STK32B: variants seen among roughly 807,000 people sequenced by gnomAD.
STK32B encodes the protein serine/threonine-protein kinase 32B.
STK32B carries 43 observed loss-of-function variants against 52.6 expected under a neutral mutation model. The ratio of observed to expected loss-of-function variants is 0.82; its 90% CI spans 0.64 to 1.05. The LOEUF is 1.05. Among genes scored for constraint, STK32B ranks in the 50% least tolerant of loss-of-function variants. STK32B has a pLI of 0.00. For synonymous variants in STK32B, 238 were observed against 204.3 expected (o/e 1.17, Z -1.41); for missense variants, 621 against 534.6 (o/e 1.16, Z -1.59).
chr4:5,337,114 G>C (rs1732758812), intron 4 of STK32B, among the ~76,000 whole-genome samples: 1 of 151,428 alleles, frequency 6.6e-6, no homozygotes, highest in Non-Finnish European at 1.5e-5. Context: ...AAGTAGCTGG[G>C]ACCATAAGCA....
intron 1 of STK32B, among the ~76,000 whole-genome samples, chr4:5,060,412 T>C (rs1341528862): frequency 6.6e-6 from 1 of 152,224 alleles, no homozygotes; most frequent in Admixed American, 6.5e-5. Flanking sequence ...TTTTCATCTT[T>C]TTTGATTGGC....
intron 3 of STK32B, among the ~76,000 whole-genome samples, chr4:5,299,986 A>C (rs1164685196): frequency 9.2e-5 from 14 of 151,974 alleles, no homozygotes; most frequent in Admixed American, 9.2e-4. Flanking sequence ...GATATAACAA[A>C]AAAAGGAAGC....
chr4:5,076,875 C>G (rs1712109226), intron 1 of STK32B, among the ~76,000 whole-genome samples: 1 of 151,974 alleles, frequency 6.6e-6, no homozygotes, highest in Non-Finnish European at 1.5e-5. Flanking sequence ...AATATTTATT[C>G]CATCATTGTA....
intron 6 of STK32B, among the ~76,000 whole-genome samples, chr4:5,430,342 A>G (rs555960390): frequency 1.3e-5 from 2 of 152,288 alleles, no homozygotes; most frequent in African/African-American, 4.8e-5. Context: ...CTTCAAGTCT[A>G]TTGATAAACC....
At chr4:5,139,309 A>C (rs1224304136) in intron 1 of STK32B, among the ~76,000 whole-genome samples, 1 of 152,038 alleles carries the variant, frequency 6.6e-6, no homozygotes, top group Non-Finnish European at 1.5e-5. Context: ...TGGCTTTGGA[A>C]CCTCCATGAG....
intron 9 of STK32B, among the ~76,000 whole-genome samples, chr4:5,466,132 C>G (rs1250528719): frequency 6.6e-6 from 1 of 152,188 alleles, no homozygotes; most frequent in Non-Finnish European, 1.5e-5. Flanking sequence ...TACCAGGAAT[C>G]TGGGTCCAAG....
intron 1 of STK32B, among the ~76,000 whole-genome samples, chr4:5,075,446 G>A (rs1712020993): frequency 2.6e-5 from 4 of 152,092 alleles, no homozygotes; most frequent in South Asian, 4.1e-4. Context: ...CCTTAAAAAT[G>A]TTTCTCAATC....
At chr4:5,266,478 T>G (rs1048343380) in intron 3 of STK32B, among the ~76,000 whole-genome samples, 2 of 152,170 alleles carry the variant, frequency 1.3e-5, no homozygotes, top group African/African-American at 4.8e-5. Flanking sequence ...CAACAGCTGG[T>G]TAATTAAATT....
chr4:5,398,388 C>A lies in STK32B; in HGVS notation c.472+144C>A. On this transcript the variant is annotated intron_variant, in intron 5 of 11. Coordinates refer to ENST00000282908, the MANE Select transcript of STK32B (RefSeq NM_018401.3). The surrounding 1 kb of genome is among the most constrained non-coding windows in gnomAD (Gnocchi z 4.9). ...TTCTCTTGTTTCAATCCTGGTGGAT[C>A]AACATCTGTGTAAATTTCTGGTCCA... The A allele has an allele frequency of 2.4e-6, 2 of 828,830 alleles. No individual in the cohort carries two copies. The highest frequency in any genetic ancestry group is 3.8e-6 in the Non-Finnish European group (2 of 523,446). 51.3% of individuals were successfully genotyped at this position (828,830 alleles called of 1,614,324 possible).
chr4:5,207,353 G>C (rs1577194161), intron 3 of STK32B, among the ~76,000 whole-genome samples: 2 of 152,158 alleles, frequency 1.3e-5, no homozygotes, highest in Admixed American at 1.3e-4. Context: ...CTTTTCTCGT[G>C]ATAGCGAATA....
chr4:5,268,690 T>A (rs779948978), intron 3 of STK32B, among the ~76,000 whole-genome samples: 85 of 152,164 alleles, frequency 5.6e-4, no homozygotes, highest in Non-Finnish European at 1.1e-3. Context: ...TTCTGTCCTG[T>A]TCACGATATA....
chr4:5,122,610 T>C (rs1560162728), intron 1 of STK32B, among the ~76,000 whole-genome samples: 1 of 151,792 alleles, frequency 6.6e-6, no homozygotes, highest in Non-Finnish European at 1.5e-5. Context: ...CTCACTCACT[T>C]ATTCATTCCC....
intron 3 of STK32B, among the ~76,000 whole-genome samples, chr4:5,317,536 CAT>C (rs1491114595): frequency 9.6e-5 from 9 of 93,542 alleles, no homozygotes; most frequent in African/African-American, 1.4e-4. Flanking sequence ...ATATATATTA[CAT>C]GTATATATAT....
At chr4:5,263,798 A>C (rs564255483) in intron 3 of STK32B, among the ~76,000 whole-genome samples, 14 of 152,200 alleles carry the variant, frequency 9.2e-5, no homozygotes, top group Middle Eastern at 3.4e-3. Context: ...TCATCCCCCA[A>C]ATTTCTCTGA....
In STK32B at chr4:5,160,716, C is replaced by T. The variant is rs555537436; in HGVS notation, c.109-7583C>T. Reference sequence around the variant, plus strand: ...CAGACACTGAGGATGATGCAGTGAACGTAAGAGAAAAATCCCTGTTGTCAT... The same window carrying T: ...CAGACACTGAGGATGATGCAGTGAATGTAAGAGAAAAATCCCTGTTGTCAT... On this transcript the variant is annotated intron_variant, in intron 2 of 11. Coordinates refer to ENST00000282908, the MANE Select transcript of STK32B (RefSeq NM_018401.3). Among the ~76,000 whole-genome samples, 44 of 152,226 alleles carry T rather than the reference C, an allele frequency of 2.9e-4. No homozygotes were observed. In the South Asian group the frequency reaches 8.7e-3, roughly 30 times the overall value.
chr4:5,215,499 A>G (rs990009535), intron 3 of STK32B, among the ~76,000 whole-genome samples: 3 of 152,194 alleles, frequency 2.0e-5, no homozygotes, highest in Non-Finnish European at 2.9e-5. Flanking sequence ...TTGATTTCCA[A>G]TAGAGGCAGT....
intron 1 of STK32B, among the ~76,000 whole-genome samples, chr4:5,096,095 C>T (rs1487373399): frequency 6.6e-6 from 1 of 152,072 alleles, no homozygotes; most frequent in Non-Finnish European, 1.5e-5. Context: ...TGAGCATATG[C>T]TATAATACTA....
At chr4:5,176,473 C>T (rs1307252910) in intron 3 of STK32B, among the ~76,000 whole-genome samples, 1 of 122,572 alleles carries the variant, frequency 8.2e-6, no homozygotes, top group East Asian at 2.5e-4. Flanking sequence ...GATGGAGTTT[C>T]ACTCTTGTCA....
At chr4:5,051,010 A>C (rs1281097497), upstream of STK32B, among the ~76,000 whole-genome samples, 1 of 152,050 alleles carries the variant, frequency 6.6e-6, no homozygotes, top group East Asian at 1.9e-4. Flanking sequence ...TTAAGGGGTC[A>C]GAAAGTAAAC....
Sources: allele counts gnomAD v4.1 joint callset (sites outside exome capture counted in the v4.1 genomes callset), GRCh38; gene constraint gnomAD v4.1.1; non-coding constraint Gnocchi (gnomAD v3.1); transcripts MANE v1.5; gene names NCBI Gene and HGNC (gene_info 2026-07-23, HGNC 2026-07-21).